The following NWD2 variants were observed in gnomAD, a reference collection of about 807,000 sequenced individuals.
NWD2 encodes NACHT and WD repeat domain-containing protein 2.
A neutral mutation model predicts 132.7 loss-of-function variants in NWD2; 37 were observed. The observed-to-expected ratio is 0.28, with a 90% CI of 0.21 to 0.37. NWD2 has a LOEUF of 0.37. NWD2 is among the 10% of genes least tolerant of loss of function. The pLI is 1.00. For missense variants in NWD2, 1,592 were observed against 2,122.4 expected (o/e 0.75, Z 4.91); for synonymous variants, 705 against 803.0 (o/e 0.88, Z 2.06).
intron 3 of NWD2, among the ~76,000 whole-genome samples, chr4:37,380,198 A>G (rs974077713): frequency 5.3e-5 from 8 of 152,246 alleles, no homozygotes; most frequent in African/African-American, 1.7e-4. Flanking sequence ...CTACTAGGCT[A>G]GAAAATTGTA....
intron 1 of NWD2, among the ~76,000 whole-genome samples, chr4:37,298,700 A>G (rs1435390): frequency 0.014 from 2,163 of 152,274 alleles, 42 homozygotes; most frequent in Middle Eastern, 0.092. Context: ...TTATTCAGAC[A>G]AGGATCATCA....
intron 2 of NWD2, among the ~76,000 whole-genome samples, chr4:37,335,068 A>G (rs1289967031): frequency 6.6e-6 from 1 of 152,066 alleles, no homozygotes; most frequent in East Asian, 1.9e-4. Context: ...CAATGTTGCT[A>G]CGGTGGTATT....
chr4:37,294,668 G>A (rs964612962), intron 1 of NWD2, among the ~76,000 whole-genome samples: 3 of 152,114 alleles, frequency 2.0e-5, no homozygotes, highest in Non-Finnish European at 2.9e-5. Context: ...ACCTTAATTC[G>A]ATAGATTTGA....
intron 1 of NWD2, among the ~76,000 whole-genome samples, chr4:37,318,183 C>T (rs1406436970): frequency 6.6e-6 from 1 of 152,050 alleles, no homozygotes; most frequent in Non-Finnish European, 1.5e-5. Context: ...TGTCACCACA[C>T]CTGGCTAATT....
intron 2 of NWD2, among the ~76,000 whole-genome samples, chr4:37,355,827 G>A (rs1308178231): frequency 6.6e-6 from 1 of 151,976 alleles, no homozygotes; most frequent in African/African-American, 2.4e-5. Flanking sequence ...ATTGATGAAA[G>A]CCAAACTGCT....
chr4:37,391,370 C>G (rs1720677002), intron 3 of NWD2, among the ~76,000 whole-genome samples: 1 of 152,212 alleles, frequency 6.6e-6, no homozygotes, highest in Admixed American at 6.5e-5. Flanking sequence ...CTGCAGGCAG[C>G]TAGCTGGTCA....
chr4:37,433,944 A>G lies in NWD2; in HGVS notation c.630A>G (p.Ile210Met). ...WQEISDEIKK[I>M]FKAAVKLLHE... is the part of the protein sequence containing the mutation. ...AGATATCAGATGAGATCAAGAAGAT[A>G]TTTAAGGCTGCTGTAAAGCTGTTAC... The change falls in exon 5 of 7, where the codon ATA becomes ATG. Residue 210 changes from isoleucine to methionine, a missense_variant. Transcript: ENST00000309447. The G allele has an allele frequency of 6.4e-7, 1 of 1,550,740 alleles. No homozygotes were observed. The highest frequency in any genetic ancestry group is 8.7e-7 in the Non-Finnish European group (1 of 1,146,268).
chr4:37,346,049 T>C lies in NWD2; in HGVS notation c.241-10317T>C, dbSNP rs1475321422. On this transcript the variant is annotated intron_variant, in intron 2 of 6. Transcript: ENST00000309447. ...GTGAGCTGAAATCATGCCACTGCAC[T>C]CCAGCCTGGGCAGCAGAGGGATACT... 2.1e-5 allele frequency among the ~76,000 whole-genome samples: 3 copies of C among 143,000 alleles called. No individual in the cohort carries two copies. The East Asian group carries it at 6.1e-4, about 29-fold the overall frequency. The allele number at this position is 143,000 out of a possible 152,430, so 93.8% of individuals were successfully genotyped here.
chr4:37,366,446 A>C (rs1720100567), intron 3 of NWD2, among the ~76,000 whole-genome samples: 1 of 152,196 alleles, frequency 6.6e-6, no homozygotes, highest in Non-Finnish European at 1.5e-5. Flanking sequence ...TGAAAATTAC[A>C]AGACATGCAA....
At chr4:37,335,775 T>C (rs1400124651) in intron 2 of NWD2, among the ~76,000 whole-genome samples, 2 of 151,068 alleles carry the variant, frequency 1.3e-5, no homozygotes. Context: ...ACCATGCCCC[T>C]ACCTCTGTGG....
At position 37,394,809 on chromosome 4, in the gene NWD2, T is replaced by TTTG. The variant is rs1720751350; in HGVS notation, c.358-35761_358-35760insGTT. ...TAGTGAACCTTTATGGTTTTTTTTTTTTTTTTTTTTTTTTTTTTTGAGGCA... is the reference window on the plus strand; with the variant it reads ...TAGTGAACCTTTATGGTTTTTTTTTTTTGTTTTTTTTTTTTTTTTTTTGAGGCA... On this transcript the variant is annotated intron_variant, in intron 3 of 6. Coordinates refer to ENST00000309447, the MANE Select transcript of NWD2 (RefSeq NM_001144990.2). Among the ~76,000 whole-genome samples, 3 of 66,112 alleles carry TTTG rather than the reference T, an allele frequency of 4.5e-5. 1 individual carries two copies. The South Asian group carries it at 1.9e-3, about 42-fold the overall frequency. The allele number at this position is 66,112 out of a possible 152,430, so 43.4% of individuals were successfully genotyped here. A position where few individuals can be genotyped will look rare whatever the true frequency, so the allele number is the denominator to read the frequency against.
rs1429569866 is a variant in NWD2, at chr4:37,356,439, T to C, written c.314T>C (p.Leu105Pro). ...GAGCTCCAGAAGACCCGCATGAAGC[T>C]GCTGGAGAATTGCTTGAAAACTTCT... is the stretch of plus-strand genomic sequence containing the variant. ...SPELQKTRMK[L>P]LENCLKTSAG... Residue 105 changes from leucine (L) to proline (P), a missense_variant, in exon 3 of 7, where the codon CTG (leucine) becomes CCG (proline). By Grantham distance (98) the Leu-to-Pro change is moderately conservative. This residue lies in a region of NWD2 where 144 missense variants were observed against 185.7 expected (regional missense o/e 0.78). Transcript: ENST00000309447. 6.4e-7 allele frequency: 1 copy of C among 1,551,532 alleles called. No homozygotes were observed. The highest frequency in any genetic ancestry group is 8.7e-7 in the Non-Finnish European group (1 of 1,146,862).
At chr4:37,275,041 A>T (rs1357775309) in intron 1 of NWD2, among the ~76,000 whole-genome samples, 1 of 152,158 alleles carries the variant, frequency 6.6e-6, no homozygotes, top group African/African-American at 2.4e-5. Flanking sequence ...GCCCTCTCTC[A>T]CCACTCCTAT....
At chr4:37,388,450 C>T (rs2109310881) in intron 3 of NWD2, among the ~76,000 whole-genome samples, 1 of 152,182 alleles carries the variant, frequency 6.6e-6, no homozygotes, top group East Asian at 1.9e-4. Flanking sequence ...TCCCAAAGTG[C>T]TGGGATTACA....
rs1167737230 is a variant in NWD2, at chr4:37,430,678, A to C, written c.464A>C (p.Lys155Thr). Residue 155 changes from lysine (K) to threonine (T), a missense_variant, in exon 4 of 7, where the codon AAG (lysine) becomes ACG (threonine). By Grantham distance (78) the Lys-to-Thr change is moderately conservative. Coordinates refer to ENST00000309447, the MANE Select transcript of NWD2 (RefSeq NM_001144990.2). ...GCCATAGAGGCAAAGCTGGAGACCA[A>C]GTTGCTGGAGGAGTGGTACTGTCGA... is the stretch of plus-strand genomic sequence containing the variant. Reference protein sequence around the residue: ...DAAIEAKLETKLLEEWYCRDE... With the variant: ...DAAIEAKLETTLLEEWYCRDE... 6 of 1,551,606 alleles carry C rather than the reference A, an allele frequency of 3.9e-6. No homozygotes were observed. In the East Asian group the frequency reaches 1.2e-4, roughly 32 times the overall value.
chr4:37,375,340 C>T (rs894794408), intron 3 of NWD2, among the ~76,000 whole-genome samples: 3 of 152,144 alleles, frequency 2.0e-5, no homozygotes, highest in African/African-American at 2.4e-5. Context: ...AAATTATCAC[C>T]ATTAATATTT....
At chr4:37,310,268 G>A (rs1291185318) in intron 1 of NWD2, among the ~76,000 whole-genome samples, 1 of 152,138 alleles carries the variant, frequency 6.6e-6, no homozygotes, top group Non-Finnish European at 1.5e-5. Flanking sequence ...TTTTATTCTA[G>A]CTATGCAACA....
At chr4:37,381,889 T>G (rs1306789055) in intron 3 of NWD2, among the ~76,000 whole-genome samples, 1 of 152,196 alleles carries the variant, frequency 6.6e-6, no homozygotes, top group African/African-American at 2.4e-5. Flanking sequence ...TTCAAAAGAA[T>G]TGATGTTGAA....
intron 3 of NWD2, among the ~76,000 whole-genome samples, chr4:37,395,713 C>A (rs1394570407): frequency 6.6e-6 from 1 of 151,804 alleles, no homozygotes; most frequent in Non-Finnish European, 1.5e-5. Context: ...CCACTCCCAG[C>A]CTTCTGGACC....
Sources: allele counts gnomAD v4.1 joint callset (sites outside exome capture counted in the v4.1 genomes callset), GRCh38; gene constraint gnomAD v4.1.1; regional missense constraint gnomAD v4.1.1; transcripts MANE v1.5; gene names NCBI Gene and HGNC (gene_info 2026-07-23, HGNC 2026-07-21).